Variants in PDE1A observed in about 807,000 individuals in gnomAD.
The protein encoded by PDE1A is phosphodiesterase 1A.
In PDE1A, 35 loss-of-function variants were observed where a neutral mutation model predicts 61.7. That is an observed-to-expected ratio of 0.57 (90% CI 0.43 to 0.75). PDE1A has a LOEUF of 0.75. Ranked by LOEUF, PDE1A falls within the 30% of genes least tolerant of loss-of-function variation. The pLI, the probability that PDE1A is intolerant of heterozygous loss-of-function variation, is 0.00. For synonymous variants in PDE1A, 232 were observed against 213.2 expected (o/e 1.09, Z -0.77); for missense variants, 597 against 630.6 (o/e 0.95, Z 0.57).
chr2:182,193,715 A>C (rs751542433), intron 10 of PDE1A, among the ~76,000 whole-genome samples: 3 of 152,174 alleles, frequency 2.0e-5, no homozygotes, highest in Non-Finnish European at 4.4e-5. Context: ...TATTGGTCTG[A>C]TATAACTATA....
chr2:182,639,782 G>C, the PDE1A span, among the ~76,000 whole-genome samples: 2 of 151,232 alleles, frequency 1.3e-5, no homozygotes, highest in African/African-American at 2.4e-5. Context: ...GGAATCCTGA[G>C]AGAATAAAAC....
Position 182,474,090 on chromosome 2 carries a change from T to C in PDE1A, c.101+48186A>G, listed in dbSNP as rs111515094. On this transcript the variant is annotated intron_variant, in intron 2 of 14. Coordinates refer to the PDE1A transcript ENST00000410103. Reference sequence around the variant, plus strand: ...CTGTCTTCCACAATGGTTGAATTAATTTACAATCCCACCAACAGTATATAA... The same window carrying C: ...CTGTCTTCCACAATGGTTGAATTAACTTACAATCCCACCAACAGTATATAA... Among the ~76,000 whole-genome samples, 213 of 152,150 alleles carry C rather than the reference T, an allele frequency of 1.4e-3. 1 individual carries two copies. Among genetic ancestry groups the C allele is most frequent in the African/African-American group, 4.9e-3 (205 of 41,556 alleles).
At chr2:182,652,206 A>C in the PDE1A span, among the ~76,000 whole-genome samples, 1 of 152,142 alleles carries the variant, frequency 6.6e-6, no homozygotes, top group Non-Finnish European at 1.5e-5. Flanking sequence ...TTCTTTGCCA[A>C]TGTTTTCTCC....
chr2:182,294,967 G>A (rs1036201108), intron 1 of PDE1A, among the ~76,000 whole-genome samples: 4 of 151,066 alleles, frequency 2.6e-5, no homozygotes, highest in African/African-American at 7.3e-5. Context: ...CCAGAGCTGA[G>A]TGCCCCAGTT....
the PDE1A span, among the ~76,000 whole-genome samples, chr2:182,567,245 G>A: frequency 6.6e-6 from 1 of 152,112 alleles, no homozygotes; most frequent in Non-Finnish European, 1.5e-5. Flanking sequence ...CAAAACGTTT[G>A]CTTCCAATTG....
rs192769089 is a variant in PDE1A at position 182,183,224 on chromosome 2, T to C, written c.1516+2668A>G. On this transcript the variant is annotated intron_variant, in intron 13 of 13. Transcript: ENST00000351439. ...AGTGATGTAAAGAAGTCGAGTTTTT[T>C]CTCTTCATGAAAAAGCAAGTGTAAA... Among the ~76,000 whole-genome samples the C allele has an allele frequency of 2.7e-3, 417 of 152,314 alleles. 2 individuals are homozygous for C. Among genetic ancestry groups the C allele is most frequent in the African/African-American group, 9.5e-3 (395 of 41,574 alleles).
intron 13 of PDE1A, among the ~76,000 whole-genome samples, chr2:182,174,707 A>G (rs868276754): frequency 2.6e-4 from 39 of 152,110 alleles, no homozygotes; most frequent in South Asian, 2.1e-4. Context: ...TGCATAAAAC[A>G]GAACAGGTTA....
the PDE1A span, among the ~76,000 whole-genome samples, chr2:182,595,516 A>G: frequency 6.6e-6 from 1 of 152,260 alleles, no homozygotes; most frequent in Non-Finnish European, 1.5e-5. Context: ...TAAATAGGTC[A>G]AGGCTGAAAA....
At chr2:182,447,406 C>T (rs985147060) in intron 2 of PDE1A, among the ~76,000 whole-genome samples, 2 of 152,058 alleles carry the variant, frequency 1.3e-5, no homozygotes, top group African/African-American at 4.8e-5. Context: ...TGACACTTTC[C>T]AGTGACCTTC....
the PDE1A span, among the ~76,000 whole-genome samples, chr2:182,582,327 C>G: frequency 6.6e-6 from 1 of 152,182 alleles, no homozygotes; most frequent in African/African-American, 2.4e-5. Flanking sequence ...TAGCAAAAAG[C>G]TTTTGAATGC....
At chr2:182,151,295 G>T (rs1690766391) in intron 13 of PDE1A, among the ~76,000 whole-genome samples, 1 of 152,034 alleles carries the variant, frequency 6.6e-6, no homozygotes, top group South Asian at 2.1e-4. Context: ...CATAGACACA[G>T]GTTTCACCAT....
chr2:182,297,038 G>T (rs1694931741), intron 1 of PDE1A, among the ~76,000 whole-genome samples: 1 of 152,188 alleles, frequency 6.6e-6, no homozygotes, highest in Admixed American at 6.5e-5. Flanking sequence ...CTTCCAGAAA[G>T]CAGATCTTGG....
intron 7 of PDE1A, among the ~76,000 whole-genome samples, chr2:182,214,569 GAT>G (rs1687987911): frequency 6.6e-6 from 1 of 151,374 alleles, no homozygotes; most frequent in South Asian, 2.1e-4. Flanking sequence ...GATGGAGGAA[GAT>G]CTACCAAGCC....
intron 1 of PDE1A, among the ~76,000 whole-genome samples, chr2:182,327,951 G>T (rs1488858350): frequency 6.6e-6 from 1 of 152,188 alleles, no homozygotes; most frequent in African/African-American, 2.4e-5. Flanking sequence ...GAAGGAATGC[G>T]ATTTAGCACC....
intron 2 of PDE1A, among the ~76,000 whole-genome samples, chr2:182,256,072 CTTTTA>C (rs1691780151): frequency 1.4e-5 from 1 of 69,460 alleles, no homozygotes; most frequent in Non-Finnish European, 3.0e-5. Flanking sequence ...GTTTATTTTT[CTTTTA>C]TTTTTCTTTC....
At chr2:182,157,797 G>A (rs1425858644) in intron 13 of PDE1A, among the ~76,000 whole-genome samples, 1 of 152,156 alleles carries the variant, frequency 6.6e-6, no homozygotes, top group African/African-American at 2.4e-5. Flanking sequence ...TGTAAACTGA[G>A]TTGAATTGGA....
At chr2:182,217,852 T>G (rs1169601700) in intron 7 of PDE1A, among the ~76,000 whole-genome samples, 2 of 151,896 alleles carry the variant, frequency 1.3e-5, no homozygotes, top group Non-Finnish European at 2.9e-5. Flanking sequence ...ATTGTGGAAT[T>G]CAGTGTGGAG....
intron 2 of PDE1A, among the ~76,000 whole-genome samples, chr2:182,434,377 T>C (rs1355368190): frequency 6.6e-6 from 1 of 152,084 alleles, no homozygotes. Flanking sequence ...TGTAACAGAA[T>C]ACTTGAGACT....
At chr2:182,703,089 G>T in the PDE1A span, among the ~76,000 whole-genome samples, 1 of 152,170 alleles carries the variant, frequency 6.6e-6, no homozygotes, top group Non-Finnish European at 1.5e-5. Flanking sequence ...CAACGAAATT[G>T]GTCTAGATAA....
Sources: allele counts gnomAD v4.1 joint callset (sites outside exome capture counted in the v4.1 genomes callset), GRCh38; gene constraint gnomAD v4.1.1; transcripts MANE v1.5; gene names NCBI Gene and HGNC (gene_info 2026-07-23, HGNC 2026-07-21).